GPI: variants seen among roughly 807,000 people sequenced by gnomAD.
GPI encodes the protein glucose-6-phosphate isomerase.
A neutral mutation model predicts 75.8 loss-of-function variants in GPI; 56 were observed. That is an observed-to-expected ratio of 0.74 (90% CI 0.60 to 0.92). GPI has a LOEUF of 0.92. GPI is among the 40% of genes least tolerant of loss of function. The pLI is 0.00. For synonymous variants in GPI, 288 were observed against 285.4 expected (o/e 1.01, Z -0.09); for missense variants, 638 against 741.0 (o/e 0.86, Z 1.61).
chr19:34,393,229 C>T lies in GPI; in HGVS notation c.805-19C>T, dbSNP rs892424019. ...GGGTGTGCCGGCCCTCCCTCAGCAC[C>T]TTGTCCTGTCTCTCCTAGTGGGTGG... On this transcript the variant is annotated intron_variant, in intron 9 of 17. Transcript: ENST00000356487. The surrounding 1 kb of genome is among the most constrained non-coding windows in gnomAD (Gnocchi z 4.4). The T allele has an allele frequency of 1.2e-6, 2 of 1,603,620 alleles. No individual in the cohort carries two copies. Among genetic ancestry groups the T allele is most frequent in the African/African-American group, 2.7e-5 (2 of 74,758 alleles).
At chr19:34,377,695 G>T in intron 5 of GPI, 40 bp from the exon 6 acceptor site, 1 of 1,611,508 alleles carries the variant, frequency 6.2e-7, no homozygotes, top group South Asian at 1.1e-5. Context: ...CTTTTCGTGG[G>T]CCCTGAATTC....
chr19:34,399,291 G>A lies in GPI; in HGVS notation c.1354G>A (p.Ala452Thr), dbSNP rs1568351536. The stretch of plus-strand genomic sequence containing the variant: ...GGAGGCCCGAAAGGAGCTCCAGGCT[G>A]CGGGCAAGAGTCCAGAGGACCTTGA... ...TEEARKELQA[A>T]GKSPEDLERL... Residue 452 changes from alanine (A) to threonine (T), a missense_variant, in exon 15 of 18, where the codon GCG becomes ACG. Physicochemically the swap from Ala to Thr is moderately conservative, Grantham distance 58. Coordinates refer to ENST00000356487, the MANE Select transcript of GPI (RefSeq NM_000175.5). 1.2e-6 allele frequency: 2 copies of A among 1,614,150 alleles called. No individual in the cohort carries two copies. Among genetic ancestry groups the A allele is most frequent in the Non-Finnish European group, 1.7e-6 (2 of 1,180,026 alleles).
chr19:34,381,187 G>T, intron 8 of GPI: 1 of 522,660 alleles, frequency 1.9e-6, no homozygotes, highest in Non-Finnish European at 3.5e-6. Context: ...GTGTGGGCCA[G>T]GTCCTCACAC....
intron 9 of GPI, among the ~76,000 whole-genome samples, chr19:34,390,115 A>G (rs1203541139): frequency 1.3e-5 from 2 of 151,820 alleles, no homozygotes; most frequent in Admixed American, 1.3e-4. Context: ...ATCTGTCAGT[A>G]CCACCTGAGG....
chr19:34,399,483 G>T (rs1262082551), intron 15 of GPI, 73 bp from the exon 16 acceptor site: 5 of 1,563,720 alleles, frequency 3.2e-6, no homozygotes, highest in Admixed American at 3.3e-5. Flanking sequence ...AGCCTCTGGG[G>T]CAGGGTGTGC....
At chr19:34,378,279 C>T (rs567270010) in intron 6 of GPI, among the ~76,000 whole-genome samples, 11 of 152,224 alleles carry the variant, frequency 7.2e-5, no homozygotes, top group Middle Eastern at 6.8e-3. Flanking sequence ...CTGCAATCTC[C>T]GTCTCCCAGG....
intron 4 of GPI, among the ~76,000 whole-genome samples, chr19:34,376,048 G>A (rs774377913): frequency 3.9e-5 from 6 of 152,190 alleles, no homozygotes; most frequent in Admixed American, 6.5e-5. Context: ...TGACAGTGTC[G>A]CTGTAAGGTA....
intron 3 of GPI, among the ~76,000 whole-genome samples, 184 bp from the exon 4 acceptor site, chr19:34,368,399 T>C (rs987409492): frequency 2.6e-5 from 4 of 152,198 alleles, no homozygotes; most frequent in African/African-American, 9.6e-5. Context: ...ACATAAGTCC[T>C]TGGGGAGCTC....
intron 3 of GPI, among the ~76,000 whole-genome samples, chr19:34,368,254 A>G (rs1232158900): frequency 6.6e-6 from 1 of 152,138 alleles, no homozygotes; most frequent in Non-Finnish European, 1.5e-5. Context: ...TCTGACATGT[A>G]TTGTTGCCAT....
Position 34,365,246 on chromosome 19 carries a change from A to G in GPI, c.-21A>G. The G allele has an allele frequency of 6.5e-7, 1 of 1,530,364 alleles. No individual in the cohort carries two copies. The highest frequency in any genetic ancestry group is 1.2e-5 in the South Asian group (1 of 81,740). The allele number at this position is 1,530,364 out of a possible 1,614,324, so 94.8% of individuals were successfully genotyped here. A position where few individuals can be genotyped will look rare whatever the true frequency, so the allele number is the denominator to read the frequency against. On this transcript the variant is annotated 5_prime_UTR_variant, in exon 1 of 18. Coordinates refer to ENST00000356487, the MANE Select transcript of GPI (RefSeq NM_000175.5). ...TTCCTCCTCGGCTCGCGTCTCACTC[A>G]GTGTACCTTCTAGTCCCGCCATGGC...
At chr19:34,361,142 A>C (rs2074299111), upstream of GPI, among the ~76,000 whole-genome samples, 1 of 151,022 alleles carries the variant, frequency 6.6e-6, no homozygotes, top group Admixed American at 6.6e-5. Flanking sequence ...CCCAGGCTGG[A>C]GTGCAGTGGC....
intron 4 of GPI, among the ~76,000 whole-genome samples, chr19:34,374,644 C>G (rs1405437241): frequency 6.6e-6 from 1 of 152,144 alleles, no homozygotes; most frequent in African/African-American, 2.4e-5. Context: ...CTCACACACC[C>G]AGCATACAAT....
At chr19:34,378,142 G>C (rs11883310) in intron 6 of GPI, among the ~76,000 whole-genome samples, 3 of 152,192 alleles carry the variant, frequency 2.0e-5, no homozygotes, top group Non-Finnish European at 4.4e-5. Context: ...TCTCTGCTCA[G>C]CCTGGGACTG....
Position 34,365,201 on chromosome 19 carries a change from C to T in GPI, c.-66C>T. Reference sequence around the variant, plus strand: ...GCCGCGCGCCCACGCGCCTCGCTTGCTGCGCGCTGCCGGCGCTCCTTCCTC... The same window carrying T: ...GCCGCGCGCCCACGCGCCTCGCTTGTTGCGCGCTGCCGGCGCTCCTTCCTC... On this transcript the variant is annotated 5_prime_UTR_variant, in exon 1 of 18. Coordinates refer to ENST00000356487, the MANE Select transcript of GPI (RefSeq NM_000175.5). 2 of 1,391,654 alleles carry T rather than the reference C, an allele frequency of 1.4e-6. No individual in the cohort carries two copies. Among genetic ancestry groups the T allele is most frequent in the Middle Eastern group, 2.2e-4 (1 of 4,604 alleles). The allele number at this position is 1,391,654 out of a possible 1,614,324, so 86.2% of individuals were successfully genotyped here. A position where few individuals can be genotyped will look rare whatever the true frequency, so the allele number is the denominator to read the frequency against.
Position 34,399,890 on chromosome 19 carries a change from C to T in GPI, c.1542-11C>T. Reference sequence around the variant, plus strand: ...TCATACCACTCTTCCCTTCCCTTCCCTTCTTGGCAGAGTGGAGCTGGGAAA... The same window carrying T: ...TCATACCACTCTTCCCTTCCCTTCCTTTCTTGGCAGAGTGGAGCTGGGAAA... On this transcript the variant is annotated splice_polypyrimidine_tract_variant and intron_variant, in intron 17 of 17. Transcript: ENST00000356487. The T allele has an allele frequency of 6.2e-7, 1 of 1,614,058 alleles. No individual in the cohort carries two copies. Among genetic ancestry groups the T allele is most frequent in the African/African-American group, 1.3e-5 (1 of 75,036 alleles).
In GPI at chr19:34,367,867, T is replaced by A. The variant is rs2074389674; in HGVS notation, c.283-716T>A. Among the ~76,000 whole-genome samples the A allele has an allele frequency of 2.0e-5, 3 of 152,142 alleles. No individual in the cohort carries two copies. The South Asian group carries it at 6.2e-4, about 31-fold the overall frequency. On this transcript the variant is annotated intron_variant, in intron 3 of 17. Coordinates refer to ENST00000356487, the MANE Select transcript of GPI (RefSeq NM_000175.5). ...TGCCAGCAAACACCATGGACACACA[T>A]TGGGAGGATGAGGTTACTTCAGGCT... is the stretch of plus-strand genomic sequence containing the variant.
At chr19:34,374,366 T>A (rs568911073) in intron 4 of GPI, among the ~76,000 whole-genome samples, 2 of 152,242 alleles carry the variant, frequency 1.3e-5, no homozygotes, top group African/African-American at 2.4e-5. Context: ...AGTGGGTTAA[T>A]GCCAGGAGAC....
intron 4 of GPI, among the ~76,000 whole-genome samples, chr19:34,373,052 G>A (rs749030859): frequency 1.6e-4 from 24 of 151,592 alleles, no homozygotes; most frequent in Non-Finnish European, 2.9e-4. Flanking sequence ...GATTATAGGC[G>A]TGAGCCACCG....
At chr19:34,366,282 T>G in intron 1 of GPI, 63 bp from the exon 2 acceptor site, 1 of 1,059,090 alleles carries the variant, frequency 9.4e-7, no homozygotes, top group Admixed American at 1.7e-5. Flanking sequence ...AGCTCCTGCT[T>G]AGGGCATGGC....
Sources: allele counts gnomAD v4.1 joint callset (sites outside exome capture counted in the v4.1 genomes callset), GRCh38; gene constraint gnomAD v4.1.1; non-coding constraint Gnocchi (gnomAD v3.1); transcripts MANE v1.5; gene names NCBI Gene and HGNC (gene_info 2026-07-23, HGNC 2026-07-21).